TMEM117: variants seen among roughly 807,000 people sequenced by gnomAD.
The protein encoded by TMEM117 is transmembrane protein 117.
A neutral mutation model predicts 52.4 loss-of-function variants in TMEM117; 27 were observed. That is an observed-to-expected ratio of 0.51 (90% CI 0.38 to 0.71). The LOEUF is 0.71. Among genes scored for constraint, TMEM117 ranks in the 30% least tolerant of loss-of-function variants. TMEM117 has a pLI of 0.00. For synonymous variants in TMEM117, 215 were observed against 206.3 expected, an observed-to-expected ratio of 1.04 and a Z score of -0.36; for missense variants, 556 against 630.5, an observed-to-expected ratio of 0.88 and a Z score of 1.26.
In TMEM117 at chr12:44,183,709, C is replaced by A. The variant is rs147582499; in HGVS notation, c.511-27581C>A. Among the ~76,000 whole-genome samples, 43 of 152,252 alleles carry A rather than the reference C, an allele frequency of 2.8e-4. No homozygotes were observed. In the East Asian group the frequency reaches 7.9e-3, roughly 28 times the overall value. On this transcript the variant is annotated intron_variant, in intron 4 of 7. Transcript: ENST00000266534. ...AAGGTCTCAAAGGATTAATATGCAA[C>A]TGAGTAGCCTAGTGTGCTGAAAGAA...
rs1188847281 is a variant in TMEM117 at position 43,968,934 on chromosome 12, G to A, written c.410+24592G>A. Among the ~76,000 whole-genome samples the A allele has an allele frequency of 2.0e-5, 3 of 152,212 alleles. No individual in the cohort carries two copies. The South Asian group carries it at 6.2e-4, about 32-fold the overall frequency. On this transcript the variant is annotated intron_variant, in intron 3 of 7. Coordinates refer to ENST00000266534, the MANE Select transcript of TMEM117 (RefSeq NM_032256.3). Reference sequence around the variant, plus strand: ...CTTCCTTATGAGCTTTGTGTGACACGCGGATTTATGTGCATGTCCTTTTAG... The same window carrying A: ...CTTCCTTATGAGCTTTGTGTGACACACGGATTTATGTGCATGTCCTTTTAG...
At chr12:43,920,641 C>T (rs1205910181) in intron 2 of TMEM117, among the ~76,000 whole-genome samples, 23 of 149,682 alleles carry the variant, frequency 1.5e-4, no homozygotes, top group African/African-American at 5.7e-4. Flanking sequence ...GCCTCAAACT[C>T]CTGGGGCTCA....
At chr12:44,199,665 T>C (rs1463599666) in intron 4 of TMEM117, among the ~76,000 whole-genome samples, 1 of 152,188 alleles carries the variant, frequency 6.6e-6, no homozygotes, top group Non-Finnish European at 1.5e-5. Flanking sequence ...TTTATTGAAG[T>C]ATTTAAAAGA....
intron 3 of TMEM117, among the ~76,000 whole-genome samples, chr12:44,131,483 A>ATATATCC (rs1322623130): frequency 3.9e-5 from 6 of 152,090 alleles, no homozygotes; most frequent in Non-Finnish European, 8.8e-5. Flanking sequence ...GTTTTTCTCT[A>ATATATCC]TATATCCATT....
At chr12:43,901,392 C>T (rs992864463) in intron 2 of TMEM117, among the ~76,000 whole-genome samples, 1 of 152,058 alleles carries the variant, frequency 6.6e-6, no homozygotes. Flanking sequence ...CTCACTGCAA[C>T]CTCCGCCTCC....
At chr12:44,010,455 G>A (rs1946271951) in intron 3 of TMEM117, among the ~76,000 whole-genome samples, 1 of 152,074 alleles carries the variant, frequency 6.6e-6, no homozygotes, top group African/African-American at 2.4e-5. Context: ...AAGGGGCCCT[G>A]GAAGACCAGT....
chr12:44,308,595 A>T (rs1950932902), intron 6 of TMEM117, among the ~76,000 whole-genome samples: 1 of 150,690 alleles, frequency 6.6e-6, no homozygotes. Flanking sequence ...CTTTTCCTAG[A>T]TCTGATGGAC....
chr12:43,805,164 C>T, the TMEM117 span, among the ~76,000 whole-genome samples: 1 of 152,198 alleles, frequency 6.6e-6, no homozygotes, highest in African/African-American at 2.4e-5. Context: ...CCTATTAAAG[C>T]TTCAATTTCG....
intron 3 of TMEM117, among the ~76,000 whole-genome samples, chr12:43,948,344 C>G (rs940664084): frequency 6.6e-6 from 1 of 151,618 alleles, no homozygotes; most frequent in Non-Finnish European, 1.5e-5. Flanking sequence ...CTCACTCTGT[C>G]GCCCAGGCTG....
chr12:44,148,781 A>G (rs1948681455), intron 4 of TMEM117, among the ~76,000 whole-genome samples: 1 of 152,202 alleles, frequency 6.6e-6, no homozygotes, highest in Admixed American at 6.5e-5. Context: ...GGTATAAAAT[A>G]GGTGCTCAAG....
chr12:44,182,163 G>T (rs1174005688), intron 4 of TMEM117, among the ~76,000 whole-genome samples: 5 of 152,046 alleles, frequency 3.3e-5, no homozygotes, highest in Non-Finnish European at 5.9e-5. Context: ...TTTGTCTGTT[G>T]TTGGTGTATA....
chr12:44,064,315 T>G (rs2137963816), intron 3 of TMEM117, among the ~76,000 whole-genome samples: 1 of 152,366 alleles, frequency 6.6e-6, no homozygotes, highest in Non-Finnish European at 1.5e-5. Context: ...TCATTTAAAC[T>G]TCAGCTATTT....
chr12:44,086,047 T>A (rs144266085), intron 3 of TMEM117, among the ~76,000 whole-genome samples: 1,525 of 152,228 alleles, frequency 0.01, 10 homozygotes, highest in African/African-American at 0.016. Context: ...TTGCTATAAG[T>A]CATCTAAGGT....
chr12:43,839,275 C>T (rs764789275), intron 1 of TMEM117, among the ~76,000 whole-genome samples: 2 of 152,122 alleles, frequency 1.3e-5, no homozygotes, highest in African/African-American at 2.4e-5. Flanking sequence ...TCATATAAGT[C>T]AGATTGTGTC....
intron 7 of TMEM117, among the ~76,000 whole-genome samples, chr12:44,379,202 G>C (rs184549122): frequency 1.8e-4 from 27 of 151,630 alleles, no homozygotes; most frequent in African/African-American, 6.0e-4. Context: ...AAGGAAGGAA[G>C]GAAGGAAGTT....
intron 2 of TMEM117, among the ~76,000 whole-genome samples, chr12:43,880,911 T>A (rs1943885165): frequency 6.6e-6 from 1 of 152,228 alleles, no homozygotes; most frequent in African/African-American, 2.4e-5. Flanking sequence ...AAGTATAATT[T>A]ATTATGAAAG....
At chr12:43,993,894 C>T (rs1362398929) in intron 3 of TMEM117, among the ~76,000 whole-genome samples, 12 of 152,102 alleles carry the variant, frequency 7.9e-5, no homozygotes, top group Admixed American at 6.6e-4. Flanking sequence ...AAGGTTTTGC[C>T]ATGTCGTACA....
chr12:43,969,846 G>A (rs961152495), intron 3 of TMEM117, among the ~76,000 whole-genome samples: 1 of 151,956 alleles, frequency 6.6e-6, no homozygotes, highest in Non-Finnish European at 1.5e-5. Flanking sequence ...CTGCCTCCTG[G>A]AAATACTGTA....
intron 6 of TMEM117, among the ~76,000 whole-genome samples, chr12:44,356,299 A>G (rs1951647555): frequency 6.6e-6 from 1 of 152,162 alleles, no homozygotes; most frequent in Non-Finnish European, 1.5e-5. Context: ...CAAATTCAGA[A>G]TTGTAAAGGA....
Sources: allele counts gnomAD v4.1 joint callset (sites outside exome capture counted in the v4.1 genomes callset), GRCh38; gene constraint gnomAD v4.1.1; transcripts MANE v1.5; gene names NCBI Gene and HGNC (gene_info 2026-07-23, HGNC 2026-07-21).